The following NARS2 variants were observed in gnomAD, a reference collection of about 807,000 sequenced individuals.
The protein encoded by NARS2 is asparaginyl-tRNA synthetase.
NARS2 carries 60 observed loss-of-function variants against 62.9 expected under a neutral mutation model. The observed-to-expected ratio is 0.95, with a 90% CI of 0.77 to 1.18. The LOEUF (loss-of-function observed/expected upper bound fraction) is 1.18, where lower values mean the gene tolerates loss of function less well. Ranked by LOEUF, NARS2 falls within the 50% of genes most tolerant of loss-of-function variation. The pLI is 0.00. For synonymous variants in NARS2, 196 were observed against 200.0 expected (o/e 0.98, Z 0.17); for missense variants, 619 against 576.4 (o/e 1.07, Z -0.76).
At chr11:78,438,904 A>C (rs1024611801) in intron 13 of NARS2, among the ~76,000 whole-genome samples, 7 of 152,142 alleles carry the variant, frequency 4.6e-5, no homozygotes, top group Admixed American at 3.9e-4. Context: ...ATTCAAGGAG[A>C]TCTTAAGGAT....
intron 6 of NARS2, among the ~76,000 whole-genome samples, chr11:78,500,363 A>G (rs957608158): frequency 3.9e-5 from 6 of 152,256 alleles, no homozygotes; most frequent in African/African-American, 1.4e-4. Flanking sequence ...TGAAATAAAT[A>G]CATCAAAAGG....
intron 7 of NARS2, among the ~76,000 whole-genome samples, chr11:78,490,212 C>T (rs758025926): frequency 9.2e-5 from 14 of 152,170 alleles, no homozygotes; most frequent in Non-Finnish European, 1.8e-4. Flanking sequence ...CAGGGAGTAA[C>T]GTCACTGAAG....
intron 7 of NARS2, 113 bp downstream of exon 7, chr11:78,492,950 C>T (rs1590768986): frequency 1.2e-6 from 1 of 856,680 alleles, no homozygotes; most frequent in Non-Finnish European, 1.8e-6. Context: ...TAAGTAGTTA[C>T]CCCTTCTTTT....
intron 9 of NARS2, among the ~76,000 whole-genome samples, chr11:78,476,374 G>A (rs1421601138): frequency 1.3e-5 from 2 of 152,222 alleles, no homozygotes; most frequent in Non-Finnish European, 2.9e-5. Context: ...GAATGCTGGG[G>A]AAACTGGATA....
At chr11:78,491,204 C>A (rs985445986) in intron 7 of NARS2, among the ~76,000 whole-genome samples, 15 of 152,216 alleles carry the variant, frequency 9.9e-5, no homozygotes, top group Admixed American at 8.5e-4. Context: ...GAGAAGGTGG[C>A]TGTGCACTTT....
rs763770414 is a variant in NARS2, at chr11:78,443,739, A to T, written c.1184T>A (p.Leu395Gln). The T allele has an allele frequency of 6.2e-7, 1 of 1,613,544 alleles. No individual in the cohort carries two copies. Among genetic ancestry groups the T allele is most frequent in the Non-Finnish European group, 8.5e-7 (1 of 1,179,560 alleles). ...PQHTVAAVDL[L>Q]VPGVGELFGG... ...AAAGAGTTCCCCAACTCCAGGAACCAGAAGATCAACAGCAGCAACCTAAGG... is the reference window on the plus strand; with the variant it reads ...AAAGAGTTCCCCAACTCCAGGAACCTGAAGATCAACAGCAGCAACCTAAGG... Residue 395 changes from leucine to glutamine, a missense_variant, in exon 12 of 14, where the codon CTG becomes CAG. Physicochemically the swap from Leu to Gln is moderately radical, Grantham distance 113. Coordinates refer to ENST00000281038, the MANE Select transcript of NARS2 (RefSeq NM_024678.6).
intron 12 of NARS2, among the ~76,000 whole-genome samples, chr11:78,443,151 C>CTT (rs1857628404): frequency 1.3e-5 from 2 of 152,008 alleles, no homozygotes; most frequent in African/African-American, 2.4e-5. Context: ...CGGTGAAACT[C>CTT]TGTCTCTACT....
intron 5 of NARS2, chr11:78,546,421 A>G (rs1422075247): frequency 6.6e-6 from 1 of 152,234 alleles, no homozygotes; most frequent in Non-Finnish European, 1.5e-5. Context: ...GACAACAGAA[A>G]GATGTGGGAC....
intron 6 of NARS2, among the ~76,000 whole-genome samples, chr11:78,511,465 C>G: frequency 6.6e-6 from 1 of 152,110 alleles, no homozygotes; most frequent in East Asian, 1.9e-4. Flanking sequence ...TGCCTGTAAT[C>G]CCAGCACTTT....
intron 6 of NARS2, among the ~76,000 whole-genome samples, chr11:78,502,176 T>C (rs1030378384): frequency 3.3e-5 from 5 of 152,028 alleles, no homozygotes; most frequent in African/African-American, 1.2e-4. Flanking sequence ...GGGGAGGAAA[T>C]GGAGAGTACA....
At chr11:78,525,822 T>C (rs1464018859) in intron 6 of NARS2, among the ~76,000 whole-genome samples, 1 of 152,164 alleles carries the variant, frequency 6.6e-6, no homozygotes, top group Non-Finnish European at 1.5e-5. Context: ...AACATCATCA[T>C]ATGGATATCA....
At chr11:78,549,999 C>G (rs1856037198) in intron 5 of NARS2, among the ~76,000 whole-genome samples, 1 of 152,116 alleles carries the variant, frequency 6.6e-6, no homozygotes, top group Non-Finnish European at 1.5e-5. Context: ...AATAAATGGT[C>G]AATATGTACA....
At chr11:78,572,595 T>G (rs1292519924) in intron 1 of NARS2, among the ~76,000 whole-genome samples, 1 of 152,212 alleles carries the variant, frequency 6.6e-6, no homozygotes, top group African/African-American at 2.4e-5. Flanking sequence ...CTTAACCTTC[T>G]CAGTTACGTA....
Position 78,478,469 on chromosome 11 carries a change from ATCTG to A in NARS2, c.924_927del (p.Arg309Ter). 8.7e-7 allele frequency: 1 copy of A among 1,143,536 alleles called. No individual in the cohort carries two copies. The highest frequency in any genetic ancestry group is 1.7e-5 in the South Asian group (1 of 57,974). 70.8% of individuals were successfully genotyped at this position (1,143,536 alleles called of 1,614,324 possible). ...AAGTTGTTTTTTAGCATATGTTCTA[ATCTG>A]TCCTTAATAAAAAGACAAAAAAGAA... is the stretch of plus-strand genomic sequence containing the variant. On this transcript the variant is annotated frameshift_variant and splice_region_variant, in exon 9 of 14. Transcript: ENST00000281038. LOFTEE classifies it high-confidence loss of function.
intron 6 of NARS2, among the ~76,000 whole-genome samples, chr11:78,515,830 G>A (rs1277858703): frequency 6.6e-6 from 1 of 152,176 alleles, no homozygotes; most frequent in Admixed American, 6.5e-5. Context: ...GGCCTGAACT[G>A]TGTACTTTTA....
At chr11:78,459,518 C>T (rs1379788538) in intron 11 of NARS2, among the ~76,000 whole-genome samples, 1 of 152,010 alleles carries the variant, frequency 6.6e-6, no homozygotes, top group Non-Finnish European at 1.5e-5. Context: ...GATCCACCCG[C>T]CTCGGCCTCC....
At position 78,471,932 on chromosome 11, in the gene NARS2, G is replaced by A. The variant is rs531509193; in HGVS notation, c.960-2619C>T. ...GCCACATAAAGTTCTTTTCTGCTTAGGCATTCTATTGTTCTATTATATCAA... is the reference window on the plus strand; with the variant it reads ...GCCACATAAAGTTCTTTTCTGCTTAAGCATTCTATTGTTCTATTATATCAA... On this transcript the variant is annotated intron_variant, in intron 9 of 13. Coordinates refer to ENST00000281038, the MANE Select transcript of NARS2 (RefSeq NM_024678.6). 2.6e-5 allele frequency among the ~76,000 whole-genome samples: 4 copies of A among 152,086 alleles called. No homozygotes were observed. The South Asian group carries it at 8.3e-4, about 32-fold the overall frequency.
chr11:78,449,228 C>G (rs75830386), intron 11 of NARS2, among the ~76,000 whole-genome samples: 1,756 of 151,276 alleles, frequency 0.012, 23 homozygotes, highest in African/African-American at 0.041. Context: ...CTCCACCTCC[C>G]CGGTTCATGC....
chr11:78,569,374 C>T (rs764202784), intron 2 of NARS2, among the ~76,000 whole-genome samples: 2 of 152,126 alleles, frequency 1.3e-5, no homozygotes, highest in Non-Finnish European at 2.9e-5. Flanking sequence ...AGGCTGGTCT[C>T]GAACACCTGG....
Sources: gnomAD v4.1 joint callset for allele counts (sites outside exome capture counted in the v4.1 genomes callset) on GRCh38, gnomAD v4.1.1 for gene constraint, MANE v1.5 for transcripts, NCBI Gene and HGNC (gene_info 2026-07-23, HGNC 2026-07-21) for gene names.